Variants in DRC5 observed in about 807,000 individuals in gnomAD.
DRC5 encodes the protein dynein regulatory complex subunit 5.
At chr6:44,293,768 C>A in the DRC5 span, among the ~76,000 whole-genome samples, 1 of 152,218 alleles carries the variant, frequency 6.6e-6, no homozygotes, top group South Asian at 2.1e-4. Flanking sequence ...AGGCCTTTGG[C>A]ACTCCACTAG....
the DRC5 span, among the ~76,000 whole-genome samples, chr6:44,297,248 G>C: frequency 1.4e-4 from 21 of 152,212 alleles, no homozygotes; most frequent in African/African-American, 4.8e-4. Flanking sequence ...CCCGCGGGAG[G>C]GATTACAGCC....
chr6:44,285,846 T>G, the DRC5 span: 5 of 1,008,202 alleles, frequency 5.0e-6, no homozygotes, highest in South Asian at 8.0e-5. Flanking sequence ...TAAAAAACAC[T>G]TGGCCAATGA....
At chr6:44,289,739 A>T in the DRC5 span, among the ~76,000 whole-genome samples, 2 of 152,232 alleles carry the variant, frequency 1.3e-5, no homozygotes, top group African/African-American at 4.8e-5. Flanking sequence ...GACAGAAGAT[A>T]GAGGATGTGT....
the DRC5 span, chr6:44,282,519 G>T: frequency 6.2e-7 from 1 of 1,601,930 alleles, no homozygotes. Flanking sequence ...TATGATGCGT[G>T]CCTTGTCATC....
the DRC5 span, chr6:44,287,517 C>A: frequency 6.3e-7 from 1 of 1,577,952 alleles, no homozygotes; most frequent in Non-Finnish European, 8.6e-7. Flanking sequence ...TCTTGGCCTT[C>A]TCCTGCCCAC....
chr6:44,284,634 C>T, the DRC5 span, among the ~76,000 whole-genome samples: 8 of 152,222 alleles, frequency 5.3e-5, no homozygotes, highest in African/African-American at 1.7e-4. Context: ...CTCCAGCCAT[C>T]CAGCCTCACA....
the DRC5 span, chr6:44,280,387 C>T: frequency 2.2e-4 from 347 of 1,611,286 alleles, no homozygotes; most frequent in African/African-American, 4.2e-3. Context: ...TGCTTCCCAC[C>T]GTCCTGGGAG....
At chr6:44,287,505 C>T in the DRC5 span, 2 of 1,562,480 alleles carry the variant, frequency 1.3e-6, no homozygotes, top group Non-Finnish European at 8.7e-7. Flanking sequence ...ACCTAGCCCC[C>T]CTCTTGGCCT....
the DRC5 span, among the ~76,000 whole-genome samples, chr6:44,291,765 G>C: frequency 4.8e-3 from 731 of 152,262 alleles, 5 homozygotes; most frequent in African/African-American, 0.016. Flanking sequence ...GTGAGGCTAG[G>C]GGGTGGTGGT....
At chr6:44,280,202 G>GC in the DRC5 span, 1 of 1,614,152 alleles carries the variant, frequency 6.2e-7, no homozygotes, top group Non-Finnish European at 8.5e-7. Context: ...AGTTCTCAGG[G>GC]CCATTGGCAG....
At chr6:44,286,147 C>T in the DRC5 span, 2 of 1,613,906 alleles carry the variant, frequency 1.2e-6, no homozygotes. Flanking sequence ...CGGTGGGCTC[C>T]TCCATCTCTC....
chr6:44,287,678 T>C, the DRC5 span: 1 of 1,614,238 alleles, frequency 6.2e-7, no homozygotes, highest in South Asian at 1.1e-5. Context: ...TGTGGGTTCC[T>C]GGACTTTGCA....
chr6:44,287,688 A>G, the DRC5 span: 2 of 1,614,156 alleles, frequency 1.2e-6, no homozygotes, highest in Non-Finnish European at 1.7e-6. Flanking sequence ...TGGACTTTGC[A>G]GGGACTGGTG....
the DRC5 span, among the ~76,000 whole-genome samples, chr6:44,290,110 A>G: frequency 1.3e-5 from 2 of 152,218 alleles, no homozygotes; most frequent in African/African-American, 4.8e-5. Context: ...ATTCACACAC[A>G]GATTGTGTCC....
chr6:44,286,337 CG>C, the DRC5 span: 2 of 1,613,834 alleles, frequency 1.2e-6, no homozygotes, highest in South Asian at 2.2e-5. Context: ...CTCCAGGTGC[CG>C]CTCGAAGAAC....
the DRC5 span, chr6:44,297,631 G>A: frequency 1.3e-5 from 2 of 152,238 alleles, no homozygotes; most frequent in Non-Finnish European, 2.9e-5. Context: ...CCGGGGCTGG[G>A]TGTCCCCACT....
the DRC5 span, chr6:44,286,407 A>G: frequency 3.7e-6 from 6 of 1,614,054 alleles, no homozygotes; most frequent in Non-Finnish European, 4.2e-6. Flanking sequence ...CGATGCATGC[A>G]GCAGCGGAGC....
chr6:44,288,611 A>G, the DRC5 span, among the ~76,000 whole-genome samples: 2 of 152,224 alleles, frequency 1.3e-5, no homozygotes, highest in Non-Finnish European at 2.9e-5. Flanking sequence ...GGGGTTGAGA[A>G]CAGCTCTGGC....
chr6:44,282,585 C>T, the DRC5 span: 1 of 1,548,872 alleles, frequency 6.5e-7, no homozygotes, highest in Non-Finnish European at 8.7e-7. Context: ...GGGTCTACAG[C>T]AACTGCCAGC....
Sources: allele counts gnomAD v4.1 joint callset (sites outside exome capture counted in the v4.1 genomes callset), GRCh38; gene constraint gnomAD v4.1.1; transcripts MANE v1.5; gene names NCBI Gene and HGNC (gene_info 2026-07-23, HGNC 2026-07-21).